NBAS: variants seen among roughly 807,000 people sequenced by gnomAD.
NBAS encodes the protein NAG/BC035112 fusion.
A neutral mutation model predicts 302.5 loss-of-function variants in NBAS; 219 were observed. The ratio of observed to expected loss-of-function variants is 0.72; its 90% confidence interval spans 0.65 to 0.81. NBAS has a LOEUF of 0.81. Ranked by LOEUF, NBAS falls within the 30% of genes least tolerant of loss-of-function variation. The probability of loss-of-function intolerance (pLI) is 0.00; values close to 1 mark genes in which losing one functional copy is unlikely to be tolerated. For synonymous variants in NBAS, 1,118 were observed against 1,021.6 expected, an observed-to-expected ratio of 1.09 and a Z score of -1.80; for missense variants, 2,932 against 2,841.6, an observed-to-expected ratio of 1.03 and a Z score of -0.72.
chr2:15,547,405 T>A (rs1452671812), intron 6 of NBAS, among the ~76,000 whole-genome samples: 3 of 152,210 alleles, frequency 2.0e-5, no homozygotes, highest in Non-Finnish European at 4.4e-5. Flanking sequence ...AAGCCATTAA[T>A]GCAGTATTAA....
chr2:14,798,869 G>C, the NBAS span, among the ~76,000 whole-genome samples: 8 of 152,066 alleles, frequency 5.3e-5, no homozygotes, highest in East Asian at 1.5e-3. Context: ...GTTATTCATA[G>C]AATTTATTAT....
chr2:15,420,702 C>T (rs1462228274), intron 23 of NBAS, among the ~76,000 whole-genome samples: 1 of 152,016 alleles, frequency 6.6e-6, no homozygotes, highest in African/African-American at 2.4e-5. Context: ...CCCTCTTCCT[C>T]GGGAAAAGCT....
the NBAS span, among the ~76,000 whole-genome samples, chr2:15,139,824 T>C: frequency 6.6e-6 from 1 of 152,112 alleles, no homozygotes; most frequent in South Asian, 2.1e-4. Flanking sequence ...CTGAAATCAA[T>C]AAGGCAGCCC....
At chr2:15,442,614 C>T (rs1290722218) in intron 21 of NBAS, among the ~76,000 whole-genome samples, 1 of 151,824 alleles carries the variant, frequency 6.6e-6, no homozygotes, top group East Asian at 1.9e-4. Flanking sequence ...AGAGCAAACA[C>T]ATTCAAAAGC....
the NBAS span, among the ~76,000 whole-genome samples, chr2:15,159,363 C>T: frequency 6.6e-5 from 10 of 152,122 alleles, no homozygotes; most frequent in Non-Finnish European, 1.0e-4. Flanking sequence ...AGGTTATGAA[C>T]GAGGTGTTAT....
chr2:14,830,082 G>A, the NBAS span, among the ~76,000 whole-genome samples: 3 of 152,104 alleles, frequency 2.0e-5, no homozygotes, highest in Non-Finnish European at 2.9e-5. Context: ...ATTTCTTGAC[G>A]ATCCCATTCT....
At chr2:15,398,599 T>A (rs1025625837) in intron 26 of NBAS, among the ~76,000 whole-genome samples, 1 of 102,306 alleles carries the variant, frequency 9.8e-6, no homozygotes, top group Non-Finnish European at 2.3e-5. Flanking sequence ...GCACAAAAAT[T>A]TAATTAGATT....
intron 40 of NBAS, among the ~76,000 whole-genome samples, chr2:15,305,028 C>T (rs989776110): frequency 6.6e-6 from 1 of 152,098 alleles, no homozygotes; most frequent in Admixed American, 6.5e-5. Flanking sequence ...AGTGCTAGAA[C>T]AAATTAAGAT....
At chr2:15,535,870 T>G (rs1387450174) in intron 8 of NBAS, among the ~76,000 whole-genome samples, 1 of 152,226 alleles carries the variant, frequency 6.6e-6, no homozygotes, top group East Asian at 1.9e-4. Context: ...AAAACTAATC[T>G]GTGATTTTAA....
chr2:14,809,860 C>T, the NBAS span, among the ~76,000 whole-genome samples: 9 of 152,176 alleles, frequency 5.9e-5, no homozygotes, highest in South Asian at 6.2e-4. Flanking sequence ...TGGAGCTGCC[C>T]AAGACCAAGG....
At chr2:14,899,182 A>G in the NBAS span, among the ~76,000 whole-genome samples, 1 of 152,198 alleles carries the variant, frequency 6.6e-6, no homozygotes, top group Non-Finnish European at 1.5e-5. Flanking sequence ...TCAAAGCCCA[A>G]GAACATTACT....
At chr2:15,337,396 A>T (rs1337476299) in intron 35 of NBAS, among the ~76,000 whole-genome samples, 1 of 152,052 alleles carries the variant, frequency 6.6e-6, no homozygotes, top group African/African-American at 2.4e-5. Flanking sequence ...CTCACAAATC[A>T]CCACTAAAGA....
chr2:15,168,798 T>A (rs1664153708), intron 51 of NBAS, among the ~76,000 whole-genome samples: 1 of 152,134 alleles, frequency 6.6e-6, no homozygotes, highest in African/African-American at 2.4e-5. Context: ...CCTGGCTAAT[T>A]TTTTGTATTT....
chr2:15,287,235 T>C, intron 41 of NBAS, 52 bp from the exon 42 acceptor site: 1 of 1,439,658 alleles, frequency 6.9e-7, no homozygotes. Context: ...AACACATGAC[T>C]TCAATCAGCA....
chr2:15,503,177 GAATGCCTTTCCGTGC>G (rs1015594013), intron 11 of NBAS, among the ~76,000 whole-genome samples: 1 of 152,108 alleles, frequency 6.6e-6, no homozygotes, highest in Non-Finnish European at 1.5e-5. Context: ...CCCATGTTAA[GAATGCCTTTCCGTGC>G]AATGCCTGAA....
chr2:15,324,184 A>G (rs1671958921), intron 38 of NBAS, among the ~76,000 whole-genome samples: 1 of 152,176 alleles, frequency 6.6e-6, no homozygotes, highest in South Asian at 2.1e-4. Flanking sequence ...TTTTATAGAT[A>G]AGAAAATGGA....
At chr2:15,183,365 G>C (rs1047581244) in intron 50 of NBAS, among the ~76,000 whole-genome samples, 1 of 152,112 alleles carries the variant, frequency 6.6e-6, no homozygotes. Context: ...GGAAAGTCAC[G>C]GTGACAACAG....
chr2:14,830,711 G>T, the NBAS span, among the ~76,000 whole-genome samples: 6 of 152,118 alleles, frequency 3.9e-5, no homozygotes, highest in African/African-American at 1.2e-4. Context: ...AGCTTTGCAT[G>T]AATGAAAAAC....
chr2:15,367,713 A>G (rs1674278571), intron 31 of NBAS, among the ~76,000 whole-genome samples: 1 of 152,144 alleles, frequency 6.6e-6, no homozygotes, highest in African/African-American at 2.4e-5. Context: ...AAACTTCTAC[A>G]TAGGTGAGAG....
Sources: allele counts gnomAD v4.1 joint callset (sites outside exome capture counted in the v4.1 genomes callset), GRCh38; gene constraint gnomAD v4.1.1; transcripts MANE v1.5; gene names NCBI Gene and HGNC (gene_info 2026-07-23, HGNC 2026-07-21).